The following PDE1C variants were observed in gnomAD, a reference collection of about 807,000 sequenced individuals.
PDE1C encodes dual specificity calcium/calmodulin-dependent 3',5'-cyclic nucleotide phosphodiesterase 1C.
In PDE1C, 62 loss-of-function variants were observed where a neutral mutation model predicts 93.1. That is an observed-to-expected ratio of 0.67 (90% CI 0.54 to 0.82). The LOEUF is 0.82. PDE1C is among the 40% of genes least tolerant of loss of function. PDE1C has a pLI of 0.00. For missense variants in PDE1C, 742 were observed against 884.6 expected (o/e 0.84, Z 2.04); for synonymous variants, 325 against 310.1 (o/e 1.05, Z -0.50).
At chr7:32,142,684 C>G (rs1004925128) in intron 3 of PDE1C, among the ~76,000 whole-genome samples, 10 of 152,184 alleles carry the variant, frequency 6.6e-5, no homozygotes, top group African/African-American at 2.4e-4. Context: ...TCTGGATGTA[C>G]AGCTGGAAGC....
chr7:32,001,596 G>GGAAT (rs763309773), intron 2 of PDE1C, among the ~76,000 whole-genome samples: 9 of 152,050 alleles, frequency 5.9e-5, no homozygotes, highest in Admixed American at 2.0e-4. Flanking sequence ...AACACCCACA[G>GGAAT]GAATGAATGA....
chr7:32,329,911 T>C (rs1291359130), intron 1 of PDE1C, among the ~76,000 whole-genome samples: 2 of 152,246 alleles, frequency 1.3e-5, no homozygotes, highest in African/African-American at 4.8e-5. Context: ...GGAGCCTGTT[T>C]CCAGCACTTT....
At chr7:32,206,698 AC>A (rs1382497053) in intron 2 of PDE1C, among the ~76,000 whole-genome samples, 1 of 152,176 alleles carries the variant, frequency 6.6e-6, no homozygotes, top group Non-Finnish European at 1.5e-5. Context: ...ACCATGCAGT[AC>A]CCACATGAGG....
chr7:32,309,788 A>G (rs1253770408), intron 1 of PDE1C, among the ~76,000 whole-genome samples: 1 of 152,194 alleles, frequency 6.6e-6, no homozygotes, highest in Non-Finnish European at 1.5e-5. Flanking sequence ...CCAACCACTG[A>G]AAAAACATGC....
intron 2 of PDE1C, among the ~76,000 whole-genome samples, chr7:32,171,600 C>T (rs1443698534): frequency 6.7e-6 from 1 of 149,998 alleles, no homozygotes; most frequent in East Asian, 1.9e-4. Context: ...TATTATTTTA[C>T]TTAATGTTAT....
intron 1 of PDE1C, among the ~76,000 whole-genome samples, chr7:32,311,935 T>C (rs1211129208): frequency 2.6e-5 from 4 of 151,644 alleles, no homozygotes; most frequent in Non-Finnish European, 4.4e-5. Flanking sequence ...AAATAAAGGG[T>C]ATTCAATTAG....
intron 1 of PDE1C, among the ~76,000 whole-genome samples, chr7:32,339,197 G>A (rs1031511277): frequency 1.3e-5 from 2 of 150,438 alleles, no homozygotes; most frequent in Non-Finnish European, 3.0e-5. Context: ...GTCATAATAG[G>A]ACAACTACTG....
At chr7:31,823,419 C>G (rs976592080) in intron 13 of PDE1C, among the ~76,000 whole-genome samples, 171 bp from the exon 14 acceptor site, 3 of 152,074 alleles carry the variant, frequency 2.0e-5, no homozygotes, top group African/African-American at 7.2e-5. Context: ...GTGGGAAATT[C>G]TGAATTTTCA....
At chr7:32,032,837 T>C (rs1281578735) in intron 2 of PDE1C, among the ~76,000 whole-genome samples, 1 of 152,114 alleles carries the variant, frequency 6.6e-6, no homozygotes, top group East Asian at 1.9e-4. Context: ...ATCCACGTTT[T>C]AAAAACATCC....
At chr7:31,732,503 A>T in the PDE1C span, among the ~76,000 whole-genome samples, 1 of 152,204 alleles carries the variant, frequency 6.6e-6, no homozygotes, top group Non-Finnish European at 1.5e-5. Context: ...ATTTGACCTC[A>T]GGACTGCAGT....
intron 1 of PDE1C, among the ~76,000 whole-genome samples, chr7:32,222,114 A>G (rs934139481): frequency 2.6e-5 from 4 of 152,178 alleles, no homozygotes; most frequent in Admixed American, 1.3e-4. Flanking sequence ...ATATACACGC[A>G]CACACACAAA....
At chr7:32,254,203 C>T (rs1009185394) in intron 1 of PDE1C, among the ~76,000 whole-genome samples, 2 of 152,208 alleles carry the variant, frequency 1.3e-5, no homozygotes, top group East Asian at 3.9e-4. Context: ...AAGAGTAGTT[C>T]TGTCCATATG....
intron 3 of PDE1C, among the ~76,000 whole-genome samples, chr7:32,112,828 GTGTGTGTGTGTGTGTGTGTA>G (rs1305615285): frequency 1.2e-4 from 10 of 85,386 alleles, no homozygotes; most frequent in Non-Finnish European, 1.7e-4. Context: ...GTGTGTGTGT[GTGTGTGTGTGTGTGTGTGTA>G]TATATATATA....
At chr7:31,929,576 A>G (rs148282357) in intron 2 of PDE1C, among the ~76,000 whole-genome samples, 69 of 152,076 alleles carry the variant, frequency 4.5e-4, no homozygotes, top group African/African-American at 1.4e-3. Context: ...AATGGAAAAC[A>G]TAACAGTCTC....
At chr7:32,032,011 T>G (rs1790394530) in intron 2 of PDE1C, among the ~76,000 whole-genome samples, 1 of 152,124 alleles carries the variant, frequency 6.6e-6, no homozygotes, top group African/African-American at 2.4e-5. Context: ...TGCACAACCC[T>G]TTGCCATCTG....
rs371131196 is a variant in PDE1C, at chr7:32,143,175, T to C, written c.308+26610A>G. On this transcript the variant is annotated intron_variant, in intron 3 of 18. Coordinates refer to the PDE1C transcript ENST00000396193. ...GAAGGAATGGAAAGATTTAGAAAAA[T>C]GAGTCTGTGAAAGAAAGTTCAGGTC... Among the ~76,000 whole-genome samples the C allele has an allele frequency of 2.4e-4, 37 of 151,792 alleles. No individual in the cohort carries two copies. In the East Asian group the frequency reaches 5.6e-3, roughly 23 times the overall value.
the PDE1C span, among the ~76,000 whole-genome samples, chr7:31,629,678 A>T: frequency 6.6e-6 from 1 of 152,200 alleles, no homozygotes. Flanking sequence ...TCACCTCTCA[A>T]AAAGCATCCT....
At chr7:32,114,836 A>C (rs562705430) in intron 3 of PDE1C, among the ~76,000 whole-genome samples, 1 of 152,146 alleles carries the variant, frequency 6.6e-6, no homozygotes, top group South Asian at 2.1e-4. Flanking sequence ...AAAAAAAGAC[A>C]TTTATGCAGC....
chr7:31,871,599 A>C (rs923835332), intron 6 of PDE1C, among the ~76,000 whole-genome samples: 5 of 151,998 alleles, frequency 3.3e-5, no homozygotes, highest in African/African-American at 1.2e-4. Flanking sequence ...TGGGTACATG[A>C]AAAAAATGCT....
Sources: allele counts gnomAD v4.1 joint callset (sites outside exome capture counted in the v4.1 genomes callset), GRCh38; gene constraint gnomAD v4.1.1; transcripts MANE v1.5; gene names NCBI Gene and HGNC (gene_info 2026-07-23, HGNC 2026-07-21).